MAP3K1: variants seen among roughly 807,000 people sequenced by gnomAD.
MAP3K1 encodes MAP/ERK kinase kinase 1.
Under a neutral mutation model 144.2 loss-of-function variants are expected in MAP3K1, and 36 were observed. The ratio of observed to expected loss-of-function variants is 0.25; its 90% CI spans 0.19 to 0.33. The LOEUF is 0.33. Among genes scored for constraint, MAP3K1 ranks in the 10% least tolerant of loss-of-function variants. The pLI is 1.00. For missense variants in MAP3K1, 1,650 were observed against 1,881.9 expected (o/e 0.88, Z 2.28); for synonymous variants, 718 against 688.7 (o/e 1.04, Z -0.67).
chr5:56,863,728 C>T (rs139583870), intron 3 of MAP3K1, among the ~76,000 whole-genome samples: 1 of 152,312 alleles, frequency 6.6e-6, no homozygotes, highest in African/African-American at 2.4e-5. Context: ...AAACCAGCTG[C>T]ACATTTTACA....
At chr5:56,891,042 C>T (rs1369121632) in intron 19 of MAP3K1, among the ~76,000 whole-genome samples, 1 of 151,816 alleles carries the variant, frequency 6.6e-6, no homozygotes, top group African/African-American at 2.4e-5. Flanking sequence ...AGAGCGAGAC[C>T]CTGTCTCTAA....
rs1491150559 is a variant in MAP3K1, at chr5:56,831,183, GGT to G, written c.482+15129_482+15130del. ...CCCGTGAAAATGGGATAAAATGTTG[GGT>G]TTTTTTTTTTTTTTTTTAGGATCAT... is the stretch of plus-strand genomic sequence containing the variant. On this transcript the variant is annotated intron_variant, in intron 1 of 19. Coordinates refer to ENST00000399503, the MANE Select transcript of MAP3K1 (RefSeq NM_005921.2). Among the ~76,000 whole-genome samples the G allele has an allele frequency of 4.3e-3, 426 of 98,406 alleles. 3 individuals are homozygous for G. Among genetic ancestry groups the G allele is most frequent in the African/African-American group, 0.014 (404 of 28,794 alleles). 64.6% of individuals were successfully genotyped at this position (98,406 alleles called of 152,430 possible).
chr5:56,868,189 C>T (rs1028536015), intron 6 of MAP3K1, among the ~76,000 whole-genome samples: 2 of 151,854 alleles, frequency 1.3e-5, no homozygotes, highest in African/African-American at 4.8e-5. Flanking sequence ...TAGCCAAAGA[C>T]GATATATAAA....
At chr5:56,860,531 T>A (rs186281528) in intron 3 of MAP3K1, among the ~76,000 whole-genome samples, 1 of 152,134 alleles carries the variant, frequency 6.6e-6, no homozygotes, top group South Asian at 2.1e-4. Context: ...TTTCTTAAGG[T>A]GAATTAAATG....
chr5:56,893,666 CGTACTACATG>C lies in MAP3K1; in HGVS notation c.4529_4538del (p.Thr1510SerfsTer47), dbSNP rs1561207728. 6.2e-7 allele frequency: 1 copy of C among 1,613,876 alleles called. No homozygotes were observed. The highest frequency in any genetic ancestry group is 1.7e-5 in the Admixed American group (1 of 59,994). On this transcript the variant is annotated frameshift_variant, in exon 20 of 20. Transcript: ENST00000399503. LOFTEE classifies it high-confidence loss of function. ...AGAGCTACTGAAGCATCCAGTCTTT[CGTACTACATG>C]GTAGCCAATTATGCAGATCAACTAC...
intron 1 of MAP3K1, among the ~76,000 whole-genome samples, chr5:56,840,205 T>C (rs960113769): frequency 6.6e-6 from 1 of 152,214 alleles, no homozygotes; most frequent in African/African-American, 2.4e-5. Context: ...CGGAGTACAG[T>C]GCCCTGATCT....
At chr5:56,888,915 C>CA (rs1174112189) in intron 19 of MAP3K1, among the ~76,000 whole-genome samples, 9 of 152,264 alleles carry the variant, frequency 5.9e-5, no homozygotes, top group African/African-American at 2.2e-4. Context: ...TTGATATTGT[C>CA]AATGGTGTTG....
Position 56,875,114 on chromosome 5 carries a change from A to G in MAP3K1, c.1769A>G (p.Asp590Gly), listed in dbSNP as rs747565290. 1 of 1,614,076 alleles carries G rather than the reference A, an allele frequency of 6.2e-7. No individual in the cohort carries two copies. Among genetic ancestry groups the G allele is most frequent in the African/African-American group, 1.3e-5 (1 of 74,922 alleles). The change falls in exon 10 of 20, where the codon GAT becomes GGT. Residue 590 changes from aspartate to glycine, a missense_variant. By Grantham distance (94) the Asp-to-Gly change is moderately conservative. Coordinates refer to ENST00000399503, the MANE Select transcript of MAP3K1 (RefSeq NM_005921.2). ...ATGGCCCTCAGGCGTCTTTCCCATG[A>G]TGTCAGTGGGGCCCTGCTGTTGGCA... ...REMALRRLSHDVSGALLLANG... is the reference protein window; with the variant it reads ...REMALRRLSHGVSGALLLANG...
chr5:56,884,931 G>A, intron 16 of MAP3K1, 105 bp downstream of exon 16: 2 of 1,096,696 alleles, frequency 1.8e-6, no homozygotes, highest in Non-Finnish European at 2.7e-6. Context: ...AATAGTTTGG[G>A]TTTCTAAAAA....
At chr5:56,844,601 A>G (rs192386719) in intron 1 of MAP3K1, among the ~76,000 whole-genome samples, 32 of 152,204 alleles carry the variant, frequency 2.1e-4, no homozygotes, top group African/African-American at 7.5e-4. Context: ...GGATCTTTTC[A>G]GGACTCTCCT....
chr5:56,865,395 G>A lies in MAP3K1; in HGVS notation c.1091G>A (p.Arg364Gln), dbSNP rs2111892699. The A allele has an allele frequency of 6.2e-7, 1 of 1,611,260 alleles. No homozygotes were observed. The highest frequency in any genetic ancestry group is 8.5e-7 in the Non-Finnish European group (1 of 1,177,916). Residue 364 changes from arginine to glutamine, a missense_variant, in exon 5 of 20, where the codon CGG becomes CAG. Arg to Gln is a conservative substitution (Grantham distance 43, BLOSUM62 1). Coordinates refer to ENST00000399503, the MANE Select transcript of MAP3K1 (RefSeq NM_005921.2). ...FCIHLLFVML[R>Q]VFQLEPSDPM... Reference sequence around the variant, plus strand: ...ATTCATCTGCTATTTGTGATGCTCCGGGTGTTTCAACTAGAACCTTCAGAC... The same window carrying A: ...ATTCATCTGCTATTTGTGATGCTCCAGGTGTTTCAACTAGAACCTTCAGAC...
Position 56,874,179 on chromosome 5 carries a change from A to G in MAP3K1, c.1687-853A>G, listed in dbSNP as rs1175013548. ...TTCTCCCATAATATCCCTTTATAAC[A>G]AAACATATGTAAATAAGTATGTTAT... On this transcript the variant is annotated intron_variant, in intron 9 of 19. Coordinates refer to ENST00000399503, the MANE Select transcript of MAP3K1 (RefSeq NM_005921.2). 3.3e-5 allele frequency among the ~76,000 whole-genome samples: 5 copies of G among 152,194 alleles called. No individual in the cohort carries two copies. The East Asian group carries it at 9.6e-4, about 29-fold the overall frequency.
chr5:56,873,858 CA>C (rs1440078225), intron 9 of MAP3K1, among the ~76,000 whole-genome samples: 1 of 151,922 alleles, frequency 6.6e-6, no homozygotes, highest in Admixed American at 6.6e-5. Flanking sequence ...ATAAAATCTG[CA>C]AAAATATTAA....
chr5:56,855,361 G>GTGTA (rs1280492903), intron 1 of MAP3K1, among the ~76,000 whole-genome samples: 2 of 152,274 alleles, frequency 1.3e-5, no homozygotes, highest in African/African-American at 4.8e-5. Flanking sequence ...GTGTATGTGT[G>GTGTA]TGTAAGGAAA....
At chr5:56,888,473 CTG>C in intron 19 of MAP3K1, 116 bp downstream of exon 19, 1 of 894,516 alleles carries the variant, frequency 1.1e-6, no homozygotes, top group Non-Finnish European at 1.8e-6. Context: ...AATAAATAGT[CTG>C]TATATTTATT....
At chr5:56,833,387 G>A (rs2111789293) in intron 1 of MAP3K1, among the ~76,000 whole-genome samples, 1 of 152,242 alleles carries the variant, frequency 6.6e-6, no homozygotes, top group African/African-American at 2.4e-5. Flanking sequence ...AACACTTTTG[G>A]AGTACTTCAC....
intron 15 of MAP3K1, among the ~76,000 whole-genome samples, chr5:56,884,152 AAAAT>A (rs1352184509): frequency 1.3e-5 from 2 of 152,172 alleles, no homozygotes; most frequent in Non-Finnish European, 2.9e-5. Context: ...GTCTCAAAAA[AAAAT>A]AAATAAAAGT....
chr5:56,829,371 A>G (rs1342342505), intron 1 of MAP3K1, among the ~76,000 whole-genome samples: 4 of 94,940 alleles, frequency 4.2e-5, no homozygotes, highest in Non-Finnish European at 6.8e-5. Flanking sequence ...TTTTTTTTGT[A>G]GTGACAGAGT....
At chr5:56,860,452 C>G (rs547928996) in intron 3 of MAP3K1, among the ~76,000 whole-genome samples, 1 of 152,128 alleles carries the variant, frequency 6.6e-6, no homozygotes, top group Non-Finnish European at 1.5e-5. Context: ...CTAGTTATTT[C>G]TTTCATGGAA....
Sources: allele counts gnomAD v4.1 joint callset (sites outside exome capture counted in the v4.1 genomes callset), GRCh38; gene constraint gnomAD v4.1.1; transcripts MANE v1.5; gene names NCBI Gene and HGNC (gene_info 2026-07-23, HGNC 2026-07-21).